The following SNED1 variants were observed in gnomAD, a reference collection of about 807,000 sequenced individuals.
SNED1 encodes sushi, nidogen and EGF like domains 1.
A neutral mutation model predicts 166.7 loss-of-function variants in SNED1; 81 were observed. That is an observed-to-expected ratio of 0.49 (90% CI 0.41 to 0.58). SNED1 has a LOEUF of 0.58. Among genes scored for constraint, SNED1 ranks in the 20% least tolerant of loss-of-function variants. The pLI, the probability that SNED1 is intolerant of heterozygous loss-of-function variation, is 0.00. For missense variants in SNED1, 1,604 were observed against 2,000.2 expected, an observed-to-expected ratio of 0.80 and a Z score of 3.78; for synonymous variants, 762 against 822.0, an observed-to-expected ratio of 0.93 and a Z score of 1.25.
chr2:241,063,688 C>T lies in SNED1; in HGVS notation c.2473C>T (p.His825Tyr). ...CRCPAGFVGV[H>Y]CETEVDACDS... ...GTGCCCTGCAGGCTTCGTTGGAGTC[C>T]ACTGTGAGACAGGTAGGGGCTCCCT... The change falls in exon 18 of 32, where the codon CAC (histidine) becomes TAC (tyrosine). Residue 825 changes from histidine (H) to tyrosine (Y), a missense_variant. His to Tyr is a moderately conservative substitution (Grantham distance 83). This residue lies in a region of SNED1 where 1,237 missense variants were observed against 1,620.8 expected (regional missense o/e 0.76). Transcript: ENST00000310397. 6.2e-7 allele frequency: 1 copy of T among 1,606,912 alleles called. No homozygotes were observed. Among genetic ancestry groups the T allele is most frequent in the Non-Finnish European group, 8.5e-7 (1 of 1,175,690 alleles).
chr2:241,019,565 G>A (rs1174181744), intron 1 of SNED1, among the ~76,000 whole-genome samples: 6 of 152,206 alleles, frequency 3.9e-5, no homozygotes, highest in Non-Finnish European at 8.8e-5. Context: ...GTATGTGGAA[G>A]TTGTTTTTGC....
intron 2 of SNED1, among the ~76,000 whole-genome samples, chr2:241,032,539 A>C (rs1391390451): frequency 1.3e-5 from 2 of 151,984 alleles, no homozygotes; most frequent in Admixed American, 1.3e-4. Flanking sequence ...AATGTAAATG[A>C]CTAGGTAATG....
Position 241,073,769 on chromosome 2 carries a change from A to G in SNED1, c.3916+405A>G, listed in dbSNP as rs1277400523. 1 of 347,268 alleles carries G rather than the reference A, an allele frequency of 2.9e-6. No homozygotes were observed. The allele number at this position is 347,268 out of a possible 1,614,324, so 21.5% of individuals were successfully genotyped here. On this transcript the variant is annotated intron_variant, in intron 27 of 31. Transcript: ENST00000310397. This position sits in a 1 kb window ranked among gnomAD's most constrained non-coding sequence, Gnocchi z 6.6. ...GATGGGAGAAGCAGAGGGAGCAGCC[A>G]CTGGGCGAGCCCCAGCTTGAGGACT...
chr2:241,079,605 A>G (rs1246524983), intron 27 of SNED1, among the ~76,000 whole-genome samples: 5 of 152,156 alleles, frequency 3.3e-5, no homozygotes, highest in African/African-American at 1.2e-4. Flanking sequence ...CTCTGAATGA[A>G]CCTTGTTTTA....
chr2:241,059,654 T>C (rs944024530), intron 16 of SNED1, among the ~76,000 whole-genome samples: 5 of 152,254 alleles, frequency 3.3e-5, no homozygotes, highest in African/African-American at 1.2e-4. Context: ...ATGTACTTCA[T>C]CATATTAGGA....
chr2:241,006,097 T>C (rs2060214811), intron 1 of SNED1, among the ~76,000 whole-genome samples: 1 of 152,214 alleles, frequency 6.6e-6, no homozygotes, highest in Admixed American at 6.5e-5. Flanking sequence ...AAGTCTTTTT[T>C]GCCTGTCCTT....
At chr2:241,056,272 ATTGTT>A in intron 16 of SNED1, among the ~76,000 whole-genome samples, 1 of 152,294 alleles carries the variant, frequency 6.6e-6, no homozygotes, top group South Asian at 2.1e-4. Context: ...AAATGAATAA[ATTGTT>A]TTATTTGTTA....
At chr2:241,050,928 C>G (rs969182618) in intron 12 of SNED1, among the ~76,000 whole-genome samples, 2 of 152,222 alleles carry the variant, frequency 1.3e-5, no homozygotes, top group African/African-American at 4.8e-5. Context: ...AGGAACTGCA[C>G]AGCCCTCCCC....
intron 1 of SNED1, among the ~76,000 whole-genome samples, chr2:241,001,898 A>T (rs1428838645): frequency 6.6e-6 from 1 of 152,144 alleles, no homozygotes; most frequent in African/African-American, 2.4e-5. Flanking sequence ...CCCGCAGGCA[A>T]GAAGGAGGAA....
chr2:241,021,146 A>G (rs948012505), intron 1 of SNED1, among the ~76,000 whole-genome samples: 28 of 152,116 alleles, frequency 1.8e-4, no homozygotes, highest in African/African-American at 6.5e-4. Context: ...AAGAGTAGAG[A>G]GTGTCGCAGA....
At chr2:241,014,082 C>T (rs1393849763) in intron 1 of SNED1, among the ~76,000 whole-genome samples, 2 of 151,736 alleles carry the variant, frequency 1.3e-5, no homozygotes, top group Admixed American at 6.6e-5. Flanking sequence ...GATCTCAGTT[C>T]ACTGCAACCT....
chr2:241,063,361 G>T (rs1200384831), intron 17 of SNED1: 3 of 575,764 alleles, frequency 5.2e-6, no homozygotes, highest in Non-Finnish European at 9.4e-6. Flanking sequence ...TGGCCTGGAG[G>T]AAGGCATGGC....
chr2:241,070,292 G>T, intron 24 of SNED1, 91 bp downstream of exon 24: 4 of 1,330,478 alleles, frequency 3.0e-6, no homozygotes, highest in Non-Finnish European at 4.0e-6. Context: ...AGGGGCCTGG[G>T]ATGCCAGGCA....
chr2:241,001,636 A>C (rs1186831490), intron 1 of SNED1, among the ~76,000 whole-genome samples: 2 of 152,236 alleles, frequency 1.3e-5, no homozygotes, highest in Admixed American at 1.3e-4. Context: ...CTGCATTAAG[A>C]CGGAGCTTGC....
rs951431404 is a variant in SNED1 at position 241,013,128 on chromosome 2, C to T, written c.213+14078C>T. Reference sequence around the variant, plus strand: ...GGATTACAGGCGTGAGCCACCGCGCCCGGCCACGAGCAGTACTGTTAACTA... The same window carrying T: ...GGATTACAGGCGTGAGCCACCGCGCTCGGCCACGAGCAGTACTGTTAACTA... On this transcript the variant is annotated intron_variant, in intron 1 of 31. Coordinates refer to ENST00000310397, the MANE Select transcript of SNED1 (RefSeq NM_001080437.3). The surrounding 1 kb of genome is among the most constrained non-coding windows in gnomAD (Gnocchi z 4.6). Among the ~76,000 whole-genome samples, 4 of 152,078 alleles carry T rather than the reference C, an allele frequency of 2.6e-5. No individual in the cohort carries two copies. The highest frequency in any genetic ancestry group is 9.7e-5 in the African/African-American group (4 of 41,408).
At chr2:241,087,672 G>C (rs1392535299) in intron 30 of SNED1, 197 bp downstream of exon 30, 2 of 1,377,560 alleles carry the variant, frequency 1.5e-6, no homozygotes, top group Non-Finnish European at 1.9e-6. Context: ...CATACCCAGA[G>C]GGGCACAGCC....
intron 1 of SNED1, among the ~76,000 whole-genome samples, chr2:241,008,463 G>A: frequency 6.6e-6 from 1 of 152,228 alleles, no homozygotes; most frequent in East Asian, 1.9e-4. Flanking sequence ...AGGCCAGACA[G>A]GGTGTCCTGG....
rs1313821525 is a variant in SNED1, at chr2:241,067,794, C to G, written c.3041C>G (p.Thr1014Ser). 1.9e-6 allele frequency: 3 copies of G among 1,612,090 alleles called. No homozygotes were observed. The highest frequency in any genetic ancestry group is 1.7e-4 in the Middle Eastern group (1 of 6,052). ...CGCCCTGTGGAAGGCTTCGAGGTCA[C>G]CAATGTGACGGCTAGCACCATCTCA... Reference protein sequence around the residue: ...RPRPVEGFEVTNVTASTISVQ... With the variant: ...RPRPVEGFEVSNVTASTISVQ... The change falls in exon 22 of 32, where the codon ACC becomes AGC. Residue 1014 changes from threonine to serine, a missense_variant. Physicochemically the swap from Thr to Ser is moderately conservative, Grantham distance 58. Transcript: ENST00000310397.
At position 241,075,472 on chromosome 2, in the gene SNED1, T is replaced by G. The variant is rs961741081; in HGVS notation, c.3916+2108T>G. ...TGCATCTCCTGGGCACTGATGTGAC[T>G]GCGCCTCTCCTCATGGGCATCCACC... On this transcript the variant is annotated intron_variant, in intron 27 of 31. Transcript: ENST00000310397. The surrounding 1 kb of genome is among the most constrained non-coding windows in gnomAD (Gnocchi z 4.8). The G allele has an allele frequency of 1.3e-5, 2 of 152,230 alleles. No homozygotes were observed. The highest frequency in any genetic ancestry group is 4.8e-5 in the African/African-American group (2 of 41,458). 9.4% of individuals were successfully genotyped at this position (152,230 alleles called of 1,614,324 possible).
Sources: gnomAD v4.1 joint callset for allele counts (sites outside exome capture counted in the v4.1 genomes callset) on GRCh38, gnomAD v4.1.1 for gene constraint, gnomAD v4.1.1 regional missense constraint, Gnocchi (gnomAD v3.1) non-coding constraint, MANE v1.5 for transcripts, NCBI Gene and HGNC (gene_info 2026-07-23, HGNC 2026-07-21) for gene names.